The following SHANK1 variants were observed in gnomAD, a reference collection of about 807,000 sequenced individuals.
The protein encoded by SHANK1 is SH3 and multiple ankyrin repeat domains 1, also known as SH3 and multiple ankyrin repeat domains protein 1.
In SHANK1, 35 loss-of-function variants were observed where a neutral mutation model predicts 165.6. That is an observed-to-expected ratio of 0.21 (90% CI 0.16 to 0.28). The LOEUF (loss-of-function observed/expected upper bound fraction) is 0.28, where lower values mean the gene tolerates loss of function less well. SHANK1 is among the 10% of genes least tolerant of loss of function. SHANK1 has a pLI of 1.00. For synonymous variants in SHANK1, 1,428 were observed against 1,384.8 expected, an observed-to-expected ratio of 1.03 and a Z score of -0.69; for missense variants, 2,681 against 3,036.4, an observed-to-expected ratio of 0.88 and a Z score of 2.75.
intron 21 of SHANK1, among the ~76,000 whole-genome samples, chr19:50,672,413 T>C (rs551827128): frequency 6.6e-6 from 1 of 151,738 alleles, no homozygotes; most frequent in East Asian, 1.9e-4. Context: ...CCAGGCATGG[T>C]GGCAGGCGCC....
chr19:50,707,861 G>A (rs927552847), intron 8 of SHANK1, among the ~76,000 whole-genome samples: 3 of 150,050 alleles, frequency 2.0e-5, no homozygotes, highest in South Asian at 2.1e-4. Flanking sequence ...CTCCTGCCAT[G>A]TGTACTTTTG....
Position 50,703,820 on chromosome 19 carries a change from CT to C in SHANK1, c.1232del (p.Gln411ArgfsTer18). 7.0e-7 allele frequency: 1 copy of C among 1,428,664 alleles called. No homozygotes were observed. Among genetic ancestry groups the C allele is most frequent in the Non-Finnish European group, 9.1e-7 (1 of 1,095,468 alleles). 88.5% of individuals were successfully genotyped at this position (1,428,664 alleles called of 1,614,324 possible). A position where few individuals can be genotyped will look rare whatever the true frequency, so the allele number is the denominator to read the frequency against. On this transcript the variant is annotated frameshift_variant, in exon 11 of 24. Coordinates refer to ENST00000293441, the MANE Select transcript of SHANK1 (RefSeq NM_016148.5). LOFTEE classifies it high-confidence loss of function. Reference sequence around the variant, plus strand: ...GCCGGGCCGCGTACTTGGGGGACTCCTGGAAGGGCACTGAGAGGGCACAGTG... The same window carrying C: ...GCCGGGCCGCGTACTTGGGGGACTCCGGAAGGGCACTGAGAGGGCACAGTG... ...NHREQDVVPFQESPKYAARRR... is the reference protein window; with the variant it reads ...NHREQDVVPFXESPKYAARRR...
rs1334346312 is a variant in SHANK1 at position 50,688,841 on chromosome 19, G to T, written c.2172+3C>A. ...CCAGGGAAGAGAGGGGGCCTGGACT[G>T]ACCTCGATGAGGAAGTCTCCCATTC... On this transcript the variant is annotated splice_donor_region_variant and intron_variant, in intron 17 of 23. Coordinates refer to ENST00000293441, the MANE Select transcript of SHANK1 (RefSeq NM_016148.5). This position sits in a 1 kb window ranked among gnomAD's most constrained non-coding sequence, Gnocchi z 6.7. The T allele has an allele frequency of 6.2e-7, 1 of 1,607,038 alleles. No homozygotes were observed. Among genetic ancestry groups the T allele is most frequent in the Non-Finnish European group, 8.5e-7 (1 of 1,176,768 alleles).
At chr19:50,669,883 C>T (rs1372320624) in intron 22 of SHANK1, among the ~76,000 whole-genome samples, 1 of 152,052 alleles carries the variant, frequency 6.6e-6, no homozygotes, top group Non-Finnish European at 1.5e-5. Flanking sequence ...AAGCTGAATC[C>T]AATCAGGGAA....
intron 5 of SHANK1, 54 bp downstream of exon 5, chr19:50,714,128 G>C (rs947608343): frequency 6.4e-7 from 1 of 1,563,430 alleles, no homozygotes; most frequent in Non-Finnish European, 8.8e-7. Flanking sequence ...TGGCACCCCT[G>C]CTCCCCAGCT....
Position 50,662,538 on chromosome 19 carries a change from G to C in SHANK1, c.5913C>G (p.Pro1971=). The C allele has an allele frequency of 1.9e-6, 3 of 1,560,596 alleles. No homozygotes were observed. The highest frequency in any genetic ancestry group is 2.6e-6 in the Non-Finnish European group (3 of 1,152,078). ...TAAAAPGATS[P]SASSSSTSTR... ...TGGACGTGGAGGAGGAGGAGGCTGA[G>C]GGTGAGGTGGCCCCTGGGGCCGCAG... The change falls in exon 24 of 24, where the codon CCC becomes CCG. Residue 1971 remains proline (P), a synonymous_variant. Coordinates refer to ENST00000293441, the MANE Select transcript of SHANK1 (RefSeq NM_016148.5). This position sits in a 1 kb window ranked among gnomAD's most constrained non-coding sequence, Gnocchi z 7.7.
rs778679375 is a variant in SHANK1 at position 50,702,426 on chromosome 19, ACAGCC to A, written c.1747+36_1747+40del. On this transcript the variant is annotated intron_variant, in intron 12 of 23. Coordinates refer to ENST00000293441, the MANE Select transcript of SHANK1 (RefSeq NM_016148.5). This position sits in a 1 kb window ranked among gnomAD's most constrained non-coding sequence, Gnocchi z 5.3. The stretch of plus-strand genomic sequence containing the variant: ...CTCCACATTTTCCCTGATCGCCCCC[ACAGCC>A]CAGCCCAGCCCAGGCCCTGCTTCCA... 7.1e-6 allele frequency: 11 copies of A among 1,554,702 alleles called. No homozygotes were observed. Among genetic ancestry groups the A allele is most frequent in the South Asian group, 1.2e-5 (1 of 83,962 alleles).
At chr19:50,704,330 G>C (rs116418688) in intron 9 of SHANK1, 107 bp downstream of exon 9, 1 of 1,323,994 alleles carries the variant, frequency 7.6e-7, no homozygotes, top group Non-Finnish European at 1.1e-6. Context: ...CCCCCTCCAC[G>C]GCCTGTCTCC....
Position 50,666,755 on chromosome 19 carries a change from C to G in SHANK1, c.5205G>C (p.Gln1735His), listed in dbSNP as rs1482222361. 6.4e-7 allele frequency: 1 copy of G among 1,559,316 alleles called. No individual in the cohort carries two copies. The highest frequency in any genetic ancestry group is 1.4e-5 in the African/African-American group (1 of 73,816). Residue 1735 changes from glutamine to histidine, a missense_variant, in exon 23 of 24, where the codon CAG becomes CAC. This residue lies in a region of SHANK1 where 1,713 missense variants were observed against 1,630.2 expected (regional missense o/e 1.05). Coordinates refer to ENST00000293441, the MANE Select transcript of SHANK1 (RefSeq NM_016148.5). ...LDTYVAYLDG[Q>H]AFGGSSTPGP... ...CGGGAGTACTGCTGCCCCCAAAGGC[C>G]TGGCCGTCCAGGTAGGCCACATAGG...
intron 19 of SHANK1, among the ~76,000 whole-genome samples, chr19:50,687,352 TGA>T (rs986040008): frequency 1.3e-5 from 2 of 151,936 alleles, no homozygotes; most frequent in African/African-American, 2.4e-5. Context: ...ATACAGACCC[TGA>T]GAGAGACCCC....
rs1161826098 is a variant in SHANK1, at chr19:50,686,182, T to A, written c.2577+55A>T. The A allele has an allele frequency of 7.7e-5, 79 of 1,019,548 alleles. No individual in the cohort carries two copies. Among genetic ancestry groups the A allele is most frequent in the Non-Finnish European group, 1.1e-4 (72 of 678,556 alleles). The allele number at this position is 1,019,548 out of a possible 1,614,324, so 63.2% of individuals were successfully genotyped here. A position where few individuals can be genotyped will look rare whatever the true frequency, so the allele number is the denominator to read the frequency against. ...GTTTTGGAAAGAGAAAGGCTCCAGG[T>A]TGGTGTGTGAACCGCCTCCCCCCTG... On this transcript the variant is annotated intron_variant, in intron 21 of 23. Transcript: ENST00000293441. The surrounding 1 kb of genome is among the most constrained non-coding windows in gnomAD (Gnocchi z 5.7).
intron 21 of SHANK1, among the ~76,000 whole-genome samples, chr19:50,685,006 A>G (rs1436793740): frequency 3.3e-5 from 5 of 152,214 alleles, no homozygotes; most frequent in Non-Finnish European, 1.5e-5. Flanking sequence ...TGCCAAAGAG[A>G]TCCATGACCC....
chr19:50,669,371 A>G (rs1397450733), intron 22 of SHANK1, 86 bp from the exon 23 acceptor site: 1 of 848,530 alleles, frequency 1.2e-6, no homozygotes, highest in East Asian at 2.7e-5. Flanking sequence ...CAACAATACT[A>G]ATGACAAGAA....
chr19:50,696,949 A>C (rs1599861740), intron 15 of SHANK1, 147 bp downstream of exon 15: 2 of 719,198 alleles, frequency 2.8e-6, no homozygotes, highest in East Asian at 5.3e-5. Flanking sequence ...ACACATGCAC[A>C]CAGATGCGTG....
chr19:50,703,351 C>T, intron 11 of SHANK1, 149 bp downstream of exon 11: 1 of 659,842 alleles, frequency 1.5e-6, no homozygotes, highest in South Asian at 1.9e-5. Context: ...CAGTAGCTCC[C>T]AAGGCCTTGC....
rs548928244 is a variant in SHANK1, at chr19:50,691,854, C to A, written c.1965-2575G>T. ...ACCATGGCCAACTAATTAAAAAAAT[C>A]TTTTTTTTTGGTAGAGATGGGGGTC... On this transcript the variant is annotated intron_variant, in intron 15 of 23. Transcript: ENST00000293441. 1.3e-4 allele frequency among the ~76,000 whole-genome samples: 19 copies of A among 151,176 alleles called. No individual in the cohort carries two copies. In the East Asian group the frequency reaches 2.9e-3, roughly 23 times the overall value.
rs927263137 is a variant in SHANK1, at chr19:50,717,041, G to A, written c.-43-79C>T. 5 of 1,222,034 alleles carry A rather than the reference G, an allele frequency of 4.1e-6. No individual in the cohort carries two copies. The highest frequency in any genetic ancestry group is 4.5e-5 in the South Asian group (2 of 44,770). 75.7% of individuals were successfully genotyped at this position (1,222,034 alleles called of 1,614,324 possible). ...CGCAGGCGCTATTCGGTGGTCAAGC[G>A]GTCAAGGGCAGCCTACCCCCACTGC... On this transcript the variant is annotated intron_variant, in intron 1 of 23. Transcript: ENST00000293441. This position sits in a 1 kb window ranked among gnomAD's most constrained non-coding sequence, Gnocchi z 5.5.
Position 50,668,152 on chromosome 19 carries a change from C to T in SHANK1, c.3808G>A (p.Gly1270Ser), listed in dbSNP as rs749644369. 7.5e-5 allele frequency: 110 copies of T among 1,457,364 alleles called. No homozygotes were observed. The highest frequency in any genetic ancestry group is 9.0e-5 in the Non-Finnish European group (100 of 1,113,058). 90.3% of individuals were successfully genotyped at this position (1,457,364 alleles called of 1,614,324 possible). A position where few individuals can be genotyped will look rare whatever the true frequency, so the allele number is the denominator to read the frequency against. Residue 1270 changes from glycine (G) to serine (S), a missense_variant, in exon 23 of 24, where the codon GGC becomes AGC. By Grantham distance (56) the Gly-to-Ser change is moderately conservative. Coordinates refer to ENST00000293441, the MANE Select transcript of SHANK1 (RefSeq NM_016148.5). ...GGGGCCGCCCCTGTGCCCAGCCCGC[C>T]GTCCCCGCCGTCCTCGTCCCCCGCG... ...TDAGDEDGGD[G>S]GLGTGAAPGP...
chr19:50,666,007 C>A (rs1393396395), intron 23 of SHANK1, among the ~76,000 whole-genome samples, 185 bp downstream of exon 23: 4 of 150,264 alleles, frequency 2.7e-5, no homozygotes, highest in Admixed American at 6.6e-5. Context: ...GTGAAACTCC[C>A]TCTCAAGAAA....
Sources: allele counts gnomAD v4.1 joint callset (sites outside exome capture counted in the v4.1 genomes callset), GRCh38; gene constraint gnomAD v4.1.1; regional missense constraint gnomAD v4.1.1; non-coding constraint Gnocchi (gnomAD v3.1); transcripts MANE v1.5; gene names NCBI Gene and HGNC (gene_info 2026-07-23, HGNC 2026-07-21).